Variants in LIMCH1 observed in about 807,000 individuals in gnomAD.
LIMCH1 encodes the protein LIM and calponin homology domains 1.
A neutral mutation model predicts 176.5 loss-of-function variants in LIMCH1; 113 were observed. The observed-to-expected ratio is 0.64, with a 90% CI of 0.55 to 0.75. The LOEUF is 0.75. Ranked by LOEUF, LIMCH1 falls within the 30% of genes least tolerant of loss-of-function variation. The pLI, the probability that LIMCH1 is intolerant of heterozygous loss-of-function variation, is 0.00. For missense variants in LIMCH1, 1,674 were observed against 1,814.9 expected (o/e 0.92, Z 1.41); for synonymous variants, 619 against 645.9 (o/e 0.96, Z 0.63).
upstream of LIMCH1, among the ~76,000 whole-genome samples, chr4:41,360,209 A>G (rs7690337): frequency 0.069 from 10,544 of 152,196 alleles, 533 homozygotes; most frequent in African/African-American, 0.14. The surrounding 1 kb of genome is among the most constrained non-coding windows in gnomAD (Gnocchi z 4.5). Flanking sequence ...TTCTTCTTAC[A>G]AAAAGATCAG....
chr4:41,472,657 G>A (rs143150451), intron 1 of LIMCH1, among the ~76,000 whole-genome samples: 9 of 152,124 alleles, frequency 5.9e-5, no homozygotes, highest in Non-Finnish European at 1.2e-4. Flanking sequence ...GGGCTAAAGC[G>A]ATCGCCCACC....
chr4:41,565,346 T>TACACACACACACAC (rs34056313), intron 1 of LIMCH1, among the ~76,000 whole-genome samples: 35 of 128,578 alleles, frequency 2.7e-4, no homozygotes, highest in African/African-American at 9.1e-4. Context: ...CTATTTCGGA[T>TACACACACACACAC]ACACACACAC....
At chr4:41,682,216 T>C in intron 25 of LIMCH1, 117 bp from the exon 26 acceptor site, 1 of 682,008 alleles carries the variant, frequency 1.5e-6, no homozygotes, top group Non-Finnish European at 2.3e-6. Flanking sequence ...TGGACAACTG[T>C]TCTTTAAATT....
chr4:41,695,275 ACT>A (rs1729672311), intron 31 of LIMCH1, among the ~76,000 whole-genome samples: 1 of 150,364 alleles, frequency 6.7e-6, no homozygotes, highest in Non-Finnish European at 1.5e-5. Context: ...TCTTAGGAAA[ACT>A]CTCATTTAAA....
At chr4:41,433,679 T>C (rs10019548) in intron 1 of LIMCH1, among the ~76,000 whole-genome samples, 33,728 of 151,042 alleles carry the variant, frequency 0.22, 4,639 homozygotes, top group African/African-American at 0.38. Context: ...TAGTCTTCTT[T>C]TTTTTTTTTT....
At chr4:41,388,803 C>T (rs1251337154) in intron 1 of LIMCH1, among the ~76,000 whole-genome samples, 1 of 152,090 alleles carries the variant, frequency 6.6e-6, no homozygotes, top group Non-Finnish European at 1.5e-5. Context: ...CCACCACGCC[C>T]AACTAATTTT....
chr4:41,382,093 G>A (rs139895416), intron 1 of LIMCH1, among the ~76,000 whole-genome samples: 25 of 152,306 alleles, frequency 1.6e-4, no homozygotes, highest in African/African-American at 5.5e-4. Context: ...GTTTCTGACC[G>A]CAGATACATG....
chr4:41,374,103 T>C (rs1328551034), intron 1 of LIMCH1, among the ~76,000 whole-genome samples: 2 of 152,110 alleles, frequency 1.3e-5, no homozygotes, highest in Non-Finnish European at 2.9e-5. Flanking sequence ...GGTAGTTCTA[T>C]ATAGCAGTGT....
chr4:41,678,730 G>A (rs767559842), intron 23 of LIMCH1, among the ~76,000 whole-genome samples: 1 of 145,034 alleles, frequency 6.9e-6, no homozygotes, highest in Non-Finnish European at 1.5e-5. Flanking sequence ...GAGAGAGATC[G>A]TGTGTGTGTG....
chr4:41,573,638 G>T (rs1275530103), intron 1 of LIMCH1, among the ~76,000 whole-genome samples: 1 of 152,178 alleles, frequency 6.6e-6, no homozygotes, highest in Non-Finnish European at 1.5e-5. Context: ...CTGGGCATTT[G>T]GGTGGTTGCT....
intron 1 of LIMCH1, among the ~76,000 whole-genome samples, chr4:41,485,577 G>T (rs1490305592): frequency 2.6e-5 from 4 of 152,192 alleles, no homozygotes; most frequent in Non-Finnish European, 5.9e-5. Flanking sequence ...ATATATGGAA[G>T]TTTATTATGC....
At chr4:41,444,434 G>A (rs1347566628) in intron 1 of LIMCH1, among the ~76,000 whole-genome samples, 1 of 151,964 alleles carries the variant, frequency 6.6e-6, no homozygotes, top group African/African-American at 2.4e-5. Flanking sequence ...ACAGAATATT[G>A]AGGAAAATCT....
chr4:41,522,969 C>CT (rs1165484763), intron 2 of LIMCH1, among the ~76,000 whole-genome samples: 1 of 152,142 alleles, frequency 6.6e-6, no homozygotes, highest in African/African-American at 2.4e-5. Flanking sequence ...CTTGTGCACT[C>CT]TGAGTACCGC....
chr4:41,669,977 A>G (rs1011157471), intron 21 of LIMCH1, among the ~76,000 whole-genome samples: 8 of 152,084 alleles, frequency 5.3e-5, no homozygotes, highest in African/African-American at 1.9e-4. Context: ...CTGCTGATCG[A>G]CCCTAATGAT....
chr4:41,612,722 C>T (rs1456468030), intron 4 of LIMCH1: 1 of 690,234 alleles, frequency 1.4e-6, no homozygotes, highest in African/African-American at 1.8e-5. Flanking sequence ...GTTCTCCCTG[C>T]TCTGAACATG....
intron 1 of LIMCH1, chr4:41,473,108 C>T: frequency 5.1e-6 from 5 of 985,190 alleles, no homozygotes; most frequent in Non-Finnish European, 6.0e-6. Context: ...TAACTCCTCC[C>T]AGTGCCATAA....
intron 1 of LIMCH1, among the ~76,000 whole-genome samples, chr4:41,373,959 A>G (rs1008322666): frequency 6.6e-6 from 1 of 152,030 alleles, no homozygotes; most frequent in Admixed American, 6.6e-5. Context: ...TCCTGTTCCT[A>G]CCATGCAGGA....
At chr4:41,555,682 G>A (rs1426886611) in intron 1 of LIMCH1, among the ~76,000 whole-genome samples, 1 of 151,998 alleles carries the variant, frequency 6.6e-6, no homozygotes, top group African/African-American at 2.4e-5. Flanking sequence ...TTTCTTATAT[G>A]GTTAGAAAGC....
At chr4:41,520,215 T>C (rs12696762) in intron 2 of LIMCH1, among the ~76,000 whole-genome samples, 47,045 of 151,980 alleles carry the variant, frequency 0.31, 8,269 homozygotes, top group African/African-American at 0.46. Flanking sequence ...TGCTTACACC[T>C]TGGCCATCTT....
Sources: gnomAD v4.1 joint callset for allele counts (sites outside exome capture counted in the v4.1 genomes callset) on GRCh38, gnomAD v4.1.1 for gene constraint, Gnocchi (gnomAD v3.1) non-coding constraint, MANE v1.5 for transcripts, NCBI Gene and HGNC (gene_info 2026-07-23, HGNC 2026-07-21) for gene names.